Variants in TOP1 observed in about 807,000 individuals in gnomAD.
The protein encoded by TOP1 is DNA topoisomerase I.
TOP1 carries 10 observed loss-of-function variants against 111.1 expected under a neutral mutation model. The ratio of observed to expected loss-of-function variants is 0.09; its 90% CI spans 0.06 to 0.15. The LOEUF is 0.15. Among genes scored for constraint, TOP1 ranks in the 10% least tolerant of loss-of-function variants. TOP1 has a pLI of 1.00. For missense variants in TOP1, 474 were observed against 926.7 expected (o/e 0.51, Z 6.34); for synonymous variants, 271 against 302.9 (o/e 0.89, Z 1.10).
rs1041715833 is a variant in TOP1, at chr20:41,087,125, G to GA, written c.614+2563dup. Among the ~76,000 whole-genome samples the GA allele has an allele frequency of 3.0e-4, 45 of 152,152 alleles. 1 individual carries two copies. Among genetic ancestry groups the GA allele is most frequent in the Non-Finnish European group, 1.0e-4 (7 of 68,016 alleles). On this transcript the variant is annotated intron_variant, in intron 8 of 20. Transcript: ENST00000361337. ...TCCGCAGACCTGTTTGTCTTTACCA[G>GA]AAAAAACCACTTACTCTGATCTTTA...
chr20:41,038,689 G>T (rs1233688366), intron 2 of TOP1, among the ~76,000 whole-genome samples: 1 of 152,058 alleles, frequency 6.6e-6, no homozygotes, highest in Non-Finnish European at 1.5e-5. Context: ...TTAAATTGTG[G>T]ATTAAAAATC....
chr20:41,115,359 T>C lies in TOP1; in HGVS notation c.1639-12T>C. On this transcript the variant is annotated splice_polypyrimidine_tract_variant and intron_variant, in intron 15 of 20. Coordinates refer to ENST00000361337, the MANE Select transcript of TOP1 (RefSeq NM_003286.4). This position sits in a 1 kb window ranked among gnomAD's most constrained non-coding sequence, Gnocchi z 6.3. ...TCAAGAGTAATAATTAGGATTCACT[T>C]ATATCTTTTAGGTTTTTAAGAACCT... The C allele has an allele frequency of 6.3e-7, 1 of 1,594,690 alleles. No homozygotes were observed. Among genetic ancestry groups the C allele is most frequent in the Non-Finnish European group, 8.6e-7 (1 of 1,163,330 alleles).
Position 41,101,492 on chromosome 20 carries a change from T to C in TOP1, c.1308+139T>C. The C allele has an allele frequency of 1.1e-6, 1 of 924,724 alleles. No individual in the cohort carries two copies. The highest frequency in any genetic ancestry group is 1.6e-6 in the Non-Finnish European group (1 of 630,238). The allele number at this position is 924,724 out of a possible 1,614,324, so 57.3% of individuals were successfully genotyped here. A position where few individuals can be genotyped will look rare whatever the true frequency, so the allele number is the denominator to read the frequency against. On this transcript the variant is annotated intron_variant, in intron 13 of 20. Transcript: ENST00000361337. The surrounding 1 kb of genome is among the most constrained non-coding windows in gnomAD (Gnocchi z 4.1). ...TGAAAGAAGGCAAGTACTTTCATAG[T>C]TAGCATTATGGTGATCTTCCTACAG...
Position 41,106,609 on chromosome 20 carries a change from T to C in TOP1, c.1308+5256T>C, listed in dbSNP as rs551917189. Among the ~76,000 whole-genome samples the C allele has an allele frequency of 1.1e-4, 16 of 152,324 alleles. No individual in the cohort carries two copies. The highest frequency in any genetic ancestry group is 1.7e-4 in the African/African-American group (7 of 41,596). On this transcript the variant is annotated intron_variant, in intron 13 of 20. Transcript: ENST00000361337. The surrounding 1 kb of genome is among the most constrained non-coding windows in gnomAD (Gnocchi z 4.3). ...TAATTTTCTTCATAAAGGTTTTACATTTAAAAAATTCTTATTTTTAAGTGA... is the reference window on the plus strand; with the variant it reads ...TAATTTTCTTCATAAAGGTTTTACACTTAAAAAATTCTTATTTTTAAGTGA...
chr20:41,040,063 A>G (rs951785946), intron 2 of TOP1, among the ~76,000 whole-genome samples: 1 of 152,272 alleles, frequency 6.6e-6, no homozygotes, highest in South Asian at 2.1e-4. Context: ...GAAATAAAGT[A>G]TTTAAAATCA....
chr20:41,111,182 G>A (rs979255869), intron 13 of TOP1, among the ~76,000 whole-genome samples: 1 of 152,210 alleles, frequency 6.6e-6, no homozygotes, highest in African/African-American at 2.4e-5. Flanking sequence ...CCACTCCAGA[G>A]TTGGGTACTC....
Position 41,121,580 on chromosome 20 carries a change from A to T in TOP1, c.1951-116A>T. ...CATGAAGCCACCCTTGTTTTTTTTT[A>T]TCTGACAAACCACTGACAGAGACAG... On this transcript the variant is annotated intron_variant, in intron 18 of 20. Transcript: ENST00000361337. This position sits in a 1 kb window ranked among gnomAD's most constrained non-coding sequence, Gnocchi z 4.2. The T allele has an allele frequency of 5.1e-6, 4 of 780,784 alleles. No homozygotes were observed. The highest frequency in any genetic ancestry group is 1.5e-5 in the South Asian group (1 of 65,070). 48.4% of individuals were successfully genotyped at this position (780,784 alleles called of 1,614,324 possible). A position where few individuals can be genotyped will look rare whatever the true frequency, so the allele number is the denominator to read the frequency against.
rs1210766873 is a variant in TOP1, at chr20:41,029,057, TCCGGG to T, written c.-7_-3del. 6.5e-7 allele frequency: 1 copy of T among 1,546,102 alleles called. No homozygotes were observed. Among genetic ancestry groups the T allele is most frequent in the East Asian group, 2.5e-5 (1 of 39,388 alleles). Reference sequence around the variant, plus strand: ...CCTCGCCTGCCGCCGCGCTCGTCCCTCCGGGCCGACATGAGTGGGGACCACCTCCA... The same window carrying T: ...CCTCGCCTGCCGCCGCGCTCGTCCCTCCGACATGAGTGGGGACCACCTCCA... On this transcript the variant is annotated 5_prime_UTR_variant, in exon 1 of 21. Transcript: ENST00000361337. The surrounding 1 kb of genome is among the most constrained non-coding windows in gnomAD (Gnocchi z 6.1).
Position 41,115,800 on chromosome 20 carries a change from T to C in TOP1, c.1707+361T>C, listed in dbSNP as rs2034320337. On this transcript the variant is annotated intron_variant, in intron 16 of 20. Transcript: ENST00000361337. This position sits in a 1 kb window ranked among gnomAD's most constrained non-coding sequence, Gnocchi z 6.3. ...AGGAAAAATTTGCTTTATTGGTTTG[T>C]TAAGCCCACCAACCTGGGCCAGGCT... is the stretch of plus-strand genomic sequence containing the variant. Among the ~76,000 whole-genome samples the C allele has an allele frequency of 6.6e-6, 1 of 152,210 alleles. No individual in the cohort carries two copies. Among genetic ancestry groups the C allele is most frequent in the African/African-American group, 2.4e-5 (1 of 41,448 alleles).
At chr20:41,068,504 G>GGTC (rs1343724138) in intron 3 of TOP1, among the ~76,000 whole-genome samples, 2 of 152,058 alleles carry the variant, frequency 1.3e-5, no homozygotes, top group Non-Finnish European at 2.9e-5. Context: ...GGGCCCAAGG[G>GGTC]GTCCTCCCAC....
chr20:41,070,183 A>G (rs1267094157), intron 3 of TOP1, among the ~76,000 whole-genome samples: 1 of 152,196 alleles, frequency 6.6e-6, no homozygotes, highest in African/African-American at 2.4e-5. Flanking sequence ...GTCTAAGAAA[A>G]AGGGTTCCTG....
chr20:41,081,471 G>A (rs2033787671), intron 7 of TOP1, among the ~76,000 whole-genome samples: 1 of 152,182 alleles, frequency 6.6e-6, no homozygotes, highest in Admixed American at 6.5e-5. Context: ...CAGCCTTCCT[G>A]GGTGTCTGTC....
rs905824141 is a variant in TOP1 at position 41,080,239 on chromosome 20, A to C, written c.431+59A>C. ...ACAAAAAGGAGGAGTTTAAAGAATA[A>C]ATGTGATGTGTTTCTTTATAATACA... On this transcript the variant is annotated intron_variant, in intron 6 of 20. Transcript: ENST00000361337. The surrounding 1 kb of genome is among the most constrained non-coding windows in gnomAD (Gnocchi z 5.0). 3 of 1,026,562 alleles carry C rather than the reference A, an allele frequency of 2.9e-6. No individual in the cohort carries two copies. The highest frequency in any genetic ancestry group is 4.4e-6 in the Non-Finnish European group (3 of 682,920). 63.6% of individuals were successfully genotyped at this position (1,026,562 alleles called of 1,614,324 possible).
chr20:41,100,369 T>A lies in TOP1; in HGVS notation c.1163+126T>A. ...GAGATACTTAAGAGCAGGACAGTAT[T>A]TCATGCGTAGGTCTCCAGATGTTTT... On this transcript the variant is annotated intron_variant, in intron 12 of 20. Transcript: ENST00000361337. The surrounding 1 kb of genome is among the most constrained non-coding windows in gnomAD (Gnocchi z 4.4). 1 of 707,232 alleles carries A rather than the reference T, an allele frequency of 1.4e-6. No individual in the cohort carries two copies. Among genetic ancestry groups the A allele is most frequent in the South Asian group, 2.5e-5 (1 of 40,006 alleles). The allele number at this position is 707,232 out of a possible 1,614,324, so 43.8% of individuals were successfully genotyped here. A position where few individuals can be genotyped will look rare whatever the true frequency, so the allele number is the denominator to read the frequency against.
rs2033780298 is a variant in TOP1 at position 41,080,831 on chromosome 20, C to A, written c.432-334C>A. Among the ~76,000 whole-genome samples the A allele has an allele frequency of 6.6e-6, 1 of 152,040 alleles. No individual in the cohort carries two copies. Reference sequence around the variant, plus strand: ...GTGTGCTGTGTGTTTGGTTCCCAAACTTTCATCTTTTATTTTTATTTATTT... The same window carrying A: ...GTGTGCTGTGTGTTTGGTTCCCAAAATTTCATCTTTTATTTTTATTTATTT... On this transcript the variant is annotated intron_variant, in intron 6 of 20. Transcript: ENST00000361337. The surrounding 1 kb of genome is among the most constrained non-coding windows in gnomAD (Gnocchi z 5.0).
At chr20:41,113,890 A>AC (rs1470457683) in intron 14 of TOP1, 80 bp from the exon 15 acceptor site, 3 of 1,218,662 alleles carry the variant, frequency 2.5e-6, no homozygotes, top group African/African-American at 3.1e-5. Context: ...AAAAAAAAAA[A>AC]AAAAAAAAAC....
intron 11 of TOP1, among the ~76,000 whole-genome samples, chr20:41,099,223 T>C (rs13037857): frequency 0.07 from 10,614 of 152,286 alleles, 1,107 homozygotes; most frequent in African/African-American, 0.23. Context: ...TGCATTACTA[T>C]AAGAATGTTA....
chr20:41,041,005 C>T (rs1006463174), intron 2 of TOP1, among the ~76,000 whole-genome samples: 3 of 152,020 alleles, frequency 2.0e-5, no homozygotes, highest in African/African-American at 7.3e-5. Context: ...ATCTCAGAGC[C>T]TGTTTGAGTA....
chr20:41,119,508 A>AT (rs1339426616), intron 18 of TOP1, among the ~76,000 whole-genome samples: 5 of 152,172 alleles, frequency 3.3e-5, no homozygotes, highest in East Asian at 1.9e-4. Context: ...GAAATTATAG[A>AT]TTTTTTCTCA....
Sources: gnomAD v4.1 joint callset for allele counts (sites outside exome capture counted in the v4.1 genomes callset) on GRCh38, gnomAD v4.1.1 for gene constraint, Gnocchi (gnomAD v3.1) non-coding constraint, MANE v1.5 for transcripts, NCBI Gene and HGNC (gene_info 2026-07-23, HGNC 2026-07-21) for gene names.